Variants in KDM6A observed in about 807,000 individuals in gnomAD.
KDM6A encodes the protein lysine-specific demethylase 6A.
KDM6A carries 11 observed loss-of-function variants against 117.6 expected under a neutral mutation model. That is an observed-to-expected ratio of 0.09 (90% CI 0.06 to 0.15). The LOEUF (loss-of-function observed/expected upper bound fraction) is 0.15. Ranked by LOEUF, KDM6A falls within the 10% of genes least tolerant of loss-of-function variation. KDM6A has a pLI of 1.00. For synonymous variants in KDM6A, 384 were observed against 396.1 expected (o/e 0.97, Z 0.36); for missense variants, 799 against 1,077.3 (o/e 0.74, Z 3.62).
Position 45,076,729 on chromosome X carries a change from G to A in KDM6A, c.2891G>A (p.Ser964Asn), listed in dbSNP as rs777101877. Reference sequence around the variant, plus strand: ...GGTAAAAATGGCTTATCTAACAGTAGCATTTTGTTGGATAAATGTCCACCT... The same window carrying A: ...GGTAAAAATGGCTTATCTAACAGTAACATTTTGTTGGATAAATGTCCACCT... Reference protein sequence around the residue: ...NLGKNGLSNSSILLDKCPPPR... With the variant: ...NLGKNGLSNSNILLDKCPPPR... Residue 964 changes from serine to asparagine, a missense_variant, in exon 19 of 30, where the codon AGC (serine) becomes AAC (asparagine). Around this residue, in one of 8 missense-constraint regions of KDM6A, gnomAD observed 291 missense variants for 437.9 expected, o/e 0.66. Transcript: ENST00000611820. The A allele has an allele frequency of 2.6e-6, 3 of 1,168,305 alleles. No individual in the cohort carries two copies. The Admixed American group carries it at 6.8e-5, about 27-fold the overall frequency.
chrX:45,048,326 A>G (rs1315527309), intron 8 of KDM6A, among the ~76,000 whole-genome samples: 2 of 111,001 alleles, frequency 1.8e-5, no homozygotes, highest in African/African-American at 6.6e-5. Flanking sequence ...GAGATTGACT[A>G]TATTTTTCTG....
intron 14 of KDM6A, among the ~76,000 whole-genome samples, 192 bp from the exon 15 acceptor site, chrX:45,061,132 G>A: frequency 9.0e-6 from 1 of 111,061 alleles, no homozygotes; most frequent in Middle Eastern, 4.6e-3. Context: ...TAAATAGTCA[G>A]TAATTTTTAA....
chrX:45,027,775 C>T (rs2147727096), intron 6 of KDM6A, among the ~76,000 whole-genome samples: 1 of 109,033 alleles, frequency 9.2e-6, no homozygotes, highest in East Asian at 2.8e-4. Flanking sequence ...AATGGTGAGG[C>T]CTAATCGTTG....
At chrX:45,108,669 C>T (rs1029268342) in intron 28 of KDM6A, among the ~76,000 whole-genome samples, 1 of 100,951 alleles carries the variant, frequency 9.9e-6, no homozygotes, top group African/African-American at 3.6e-5. Flanking sequence ...CACATGCACA[C>T]GTATGTTTAT....
intron 25 of KDM6A, 23 bp downstream of exon 25, chrX:45,086,002 C>T: frequency 2.1e-6 from 2 of 960,539 alleles, no homozygotes; most frequent in Non-Finnish European, 3.0e-6. Context: ...AGTAAATTTT[C>T]TTAAAACATA....
At chrX:44,920,266 G>C (rs2035828106) in intron 2 of KDM6A, among the ~76,000 whole-genome samples, 1 of 110,660 alleles carries the variant, frequency 9.0e-6, no homozygotes, top group African/African-American at 3.3e-5. Context: ...TCATTTATTA[G>C]GTAGATGAGT....
At chrX:44,978,332 G>A (rs1359699351) in intron 4 of KDM6A, among the ~76,000 whole-genome samples, 1 of 112,228 alleles carries the variant, frequency 8.9e-6, no homozygotes, top group Non-Finnish European at 1.9e-5. Context: ...GATTTGAGAT[G>A]TTGCCTTAAT....
intron 2 of KDM6A, among the ~76,000 whole-genome samples, chrX:44,929,040 C>T (rs2036470597): frequency 9.1e-6 from 1 of 110,489 alleles, no homozygotes; most frequent in African/African-American, 3.3e-5. Flanking sequence ...GAGTGATTCT[C>T]CTACCTCAGC....
intron 2 of KDM6A, among the ~76,000 whole-genome samples, chrX:44,891,472 T>G (rs1458306895): frequency 8.9e-6 from 1 of 111,825 alleles, no homozygotes. Flanking sequence ...GGTTCTCTAT[T>G]ATGTTCGATT....
At chrX:44,910,743 C>T (rs951466336) in intron 2 of KDM6A, among the ~76,000 whole-genome samples, 4 of 110,349 alleles carry the variant, frequency 3.6e-5, no homozygotes, top group Admixed American at 2.9e-4. Flanking sequence ...TAACAAAGCA[C>T]ATCTTGCACC....
intron 29 of KDM6A, among the ~76,000 whole-genome samples, chrX:45,111,140 T>C (rs1036309645): frequency 9.0e-6 from 1 of 111,482 alleles, no homozygotes; most frequent in African/African-American, 3.3e-5. Context: ...CAAGAGTTTT[T>C]GACTAATTGG....
intron 17 of KDM6A, among the ~76,000 whole-genome samples, chrX:45,068,416 A>G (rs1359173590): frequency 9.0e-6 from 1 of 110,549 alleles, no homozygotes; most frequent in African/African-American, 3.3e-5. Context: ...TAAAACTTCT[A>G]TTAACTGTTA....
Position 45,046,107 on chromosome X carries a change from A to G in KDM6A, c.655-5602A>G, listed in dbSNP as rs190796670. ...CTTATCTCATTAAACACAGCAATAT[A>G]CTATGACCAAGTGTTATTCATTTCA... On this transcript the variant is annotated intron_variant, in intron 8 of 29. Transcript: ENST00000611820. Among the ~76,000 whole-genome samples the G allele has an allele frequency of 8.2e-4, 92 of 111,590 alleles. 1 individual carries two copies. The highest frequency in any genetic ancestry group is 7.1e-3 in the Admixed American group (74 of 10,432).
At chrX:45,035,741 C>T (rs961015673) in intron 7 of KDM6A, among the ~76,000 whole-genome samples, 4 of 109,125 alleles carry the variant, frequency 3.7e-5, no homozygotes, top group African/African-American at 1.3e-4. Context: ...ACTCTGTTGC[C>T]CAGGCTGGAG....
chrX:45,040,454 C>A (rs2043056445), intron 8 of KDM6A, among the ~76,000 whole-genome samples: 1 of 87,602 alleles, frequency 1.1e-5, no homozygotes, highest in Non-Finnish European at 2.3e-5. Flanking sequence ...GGGCTGACCC[C>A]CCCCACCTCC....
chrX:45,096,047 T>A (rs1232880800), intron 27 of KDM6A, among the ~76,000 whole-genome samples: 1 of 111,809 alleles, frequency 8.9e-6, no homozygotes, highest in Non-Finnish European at 1.9e-5. Flanking sequence ...TTCCTTTGAA[T>A]CATCTTTTAA....
At chrX:45,076,653 C>A (rs1184107619) in intron 18 of KDM6A, 44 bp from the exon 19 acceptor site, 3 of 903,151 alleles carry the variant, frequency 3.3e-6, no homozygotes, top group Non-Finnish European at 4.6e-6. Context: ...TTTCTGTTTT[C>A]CAAATAAATG....
chrX:44,984,746 G>C (rs1178106827), intron 4 of KDM6A, among the ~76,000 whole-genome samples: 3 of 111,297 alleles, frequency 2.7e-5, no homozygotes, highest in Non-Finnish European at 5.7e-5. Flanking sequence ...ATTTCTGAGG[G>C]CTCTGTTCTT....
intron 2 of KDM6A, among the ~76,000 whole-genome samples, chrX:44,932,835 T>C (rs1262567875): frequency 9.0e-6 from 1 of 111,355 alleles, no homozygotes; most frequent in Non-Finnish European, 1.9e-5. Flanking sequence ...TCAGAGGTGC[T>C]ACCTTCAATG....
Sources: allele counts gnomAD v4.1 joint callset (sites outside exome capture counted in the v4.1 genomes callset), GRCh38; gene constraint gnomAD v4.1.1; regional missense constraint gnomAD v4.1.1; transcripts MANE v1.5; gene names NCBI Gene and HGNC (gene_info 2026-07-23, HGNC 2026-07-21).